TFDP1: variants seen among roughly 807,000 people sequenced by gnomAD.
TFDP1 encodes DRTF1-polypeptide 1.
A neutral mutation model predicts 48.0 loss-of-function variants in TFDP1; 6 were observed. The observed-to-expected ratio is 0.13, with a 90% CI of 0.07 to 0.25. The LOEUF (loss-of-function observed/expected upper bound fraction) is 0.25. Ranked by LOEUF, TFDP1 falls within the 10% of genes least tolerant of loss-of-function variation. The probability of loss-of-function intolerance (pLI) is 1.00; values close to 1 mark genes in which losing one functional copy is unlikely to be tolerated. For missense variants in TFDP1, 335 were observed against 543.0 expected, an observed-to-expected ratio of 0.62 and a Z score of 3.81; for synonymous variants, 201 against 211.6, an observed-to-expected ratio of 0.95 and a Z score of 0.44.
intron 2 of TFDP1, among the ~76,000 whole-genome samples, chr13:113,606,636 G>A (rs952013769): frequency 1.3e-5 from 2 of 152,088 alleles, no homozygotes; most frequent in African/African-American, 4.8e-5. Flanking sequence ...TCCCGCTCAC[G>A]TCTCCCCAGT....
chr13:113,586,065 C>A, intron 2 of TFDP1: 1 of 463,508 alleles, frequency 2.2e-6, no homozygotes. Flanking sequence ...GGATACCACA[C>A]TGCAGTTGGG....
intron 11 of TFDP1, among the ~76,000 whole-genome samples, chr13:113,639,198 C>T (rs995710568): frequency 3.3e-5 from 5 of 152,206 alleles, no homozygotes; most frequent in African/African-American, 1.2e-4. Context: ...GTGTGGCGGT[C>T]AGTCTGTAAA....
intron 3 of TFDP1, among the ~76,000 whole-genome samples, chr13:113,618,605 G>T (rs1002850062): frequency 1.3e-5 from 2 of 152,220 alleles, no homozygotes; most frequent in Non-Finnish European, 2.9e-5. Flanking sequence ...CAGCCTGGCT[G>T]CCACTGGTGC....
At chr13:113,636,203 C>G (rs750529783) in intron 9 of TFDP1, 75 bp downstream of exon 9, 118 of 1,541,566 alleles carry the variant, frequency 7.7e-5, no homozygotes, top group East Asian at 4.5e-5. Context: ...GGTATTGTCA[C>G]TAGGACAAGT....
intron 2 of TFDP1, among the ~76,000 whole-genome samples, chr13:113,601,053 C>A (rs1331478821): frequency 6.6e-6 from 1 of 152,170 alleles, no homozygotes; most frequent in Non-Finnish European, 1.5e-5. Flanking sequence ...TTCACGCTGT[C>A]CTGGATCTTC....
Position 113,636,002 on chromosome 13 carries a change from A to G in TFDP1, c.713A>G (p.Gln238Arg), listed in dbSNP as rs1174637649. 9.3e-6 allele frequency: 15 copies of G among 1,613,966 alleles called. No homozygotes were observed. Among genetic ancestry groups the G allele is most frequent in the Admixed American group, 5.0e-5 (3 of 59,974 alleles). The change falls in exon 9 of 12, where the codon CAG (glutamine) becomes CGG (arginine). Residue 238 changes from glutamine to arginine, a missense_variant. Gln to Arg is a conservative substitution (Grantham distance 43). Transcript: ENST00000375370. ...CAAATTGCCTTCAAGAACCTGGTGC[A>G]GAGAAACCGGCATGCGGAGCAGCAG... is the stretch of plus-strand genomic sequence containing the variant. ...LQQIAFKNLVQRNRHAEQQAS... is the reference protein window; with the variant it reads ...LQQIAFKNLVRRNRHAEQQAS...
At chr13:113,617,314 C>G (rs962230191) in intron 3 of TFDP1, among the ~76,000 whole-genome samples, 25 of 152,130 alleles carry the variant, frequency 1.6e-4, no homozygotes, top group Admixed American at 1.5e-3. Context: ...TGGCTGTGGT[C>G]GCTTAGGCAG....
rs1308820096 is a variant in TFDP1 at position 113,598,832 on chromosome 13, T to A, written c.13-12164T>A. Among the ~76,000 whole-genome samples the A allele has an allele frequency of 4.6e-5, 7 of 152,364 alleles. No individual in the cohort carries two copies. In the East Asian group the frequency reaches 1.3e-3, roughly 29 times the overall value. Reference sequence around the variant, plus strand: ...CCTCTGACTCTTTCTTAGGGTGATGTTGGGCACCACCCTCGCCTGCAGCTC... The same window carrying A: ...CCTCTGACTCTTTCTTAGGGTGATGATGGGCACCACCCTCGCCTGCAGCTC... On this transcript the variant is annotated intron_variant, in intron 2 of 11. Coordinates refer to ENST00000375370, the MANE Select transcript of TFDP1 (RefSeq NM_007111.5). This position sits in a 1 kb window ranked among gnomAD's most constrained non-coding sequence, Gnocchi z 4.2.
chr13:113,636,775 C>T (rs540711506), intron 10 of TFDP1, 75 bp downstream of exon 10: 16 of 1,519,934 alleles, frequency 1.1e-5, no homozygotes, highest in African/African-American at 4.1e-5. Context: ...CCTCCCCTCC[C>T]GGCTCGGGAT....
intron 2 of TFDP1, among the ~76,000 whole-genome samples, chr13:113,610,573 G>A (rs1034864870): frequency 1.2e-4 from 18 of 151,590 alleles, no homozygotes; most frequent in African/African-American, 2.2e-4. Flanking sequence ...ATGTGCCCCC[G>A]CTGTGTGGCT....
chr13:113,604,147 T>C (rs568235174), intron 2 of TFDP1, among the ~76,000 whole-genome samples: 2 of 124,228 alleles, frequency 1.6e-5, no homozygotes, highest in East Asian at 4.7e-4. Context: ...GGTGACAGAG[T>C]AACAGCCTGT....
At chr13:113,600,619 G>A (rs1297584627) in intron 2 of TFDP1, among the ~76,000 whole-genome samples, 2 of 146,498 alleles carry the variant, frequency 1.4e-5, no homozygotes, top group Non-Finnish European at 3.0e-5. Flanking sequence ...ATCCTCGCAC[G>A]TGGGGCTCCA....
At chr13:113,590,780 G>T (rs1253414537) in intron 2 of TFDP1, among the ~76,000 whole-genome samples, 2 of 151,966 alleles carry the variant, frequency 1.3e-5, no homozygotes, top group East Asian at 3.9e-4. Context: ...GGAGGCCGAG[G>T]CAGGTGGATC....
At chr13:113,634,827 ATGTGTGTGTGTGTGCATGTGCC>A (rs1246191039) in intron 8 of TFDP1, among the ~76,000 whole-genome samples, 2 of 148,126 alleles carry the variant, frequency 1.4e-5, no homozygotes, top group African/African-American at 5.0e-5. Context: ...GCATGCATGC[ATGTGTGTGTGTGTGCATGTGCC>A]TGTGTGCGTG....
In TFDP1 at chr13:113,633,008, C is replaced by A; in HGVS notation, c.309-112C>A. ...TGTTGGATCTGCTGCGCCCGTGGGA[C>A]GTGGCCCCTTTTTGTGCAGCTCATT... On this transcript the variant is annotated intron_variant, in intron 5 of 11. Transcript: ENST00000375370. This position sits in a 1 kb window ranked among gnomAD's most constrained non-coding sequence, Gnocchi z 4.5. 1.5e-6 allele frequency: 2 copies of A among 1,355,298 alleles called. No homozygotes were observed. Among genetic ancestry groups the A allele is most frequent in the South Asian group, 1.3e-5 (1 of 76,400 alleles). 84.0% of individuals were successfully genotyped at this position (1,355,298 alleles called of 1,614,324 possible). A position where few individuals can be genotyped will look rare whatever the true frequency, so the allele number is the denominator to read the frequency against.
At chr13:113,599,774 G>A (rs1394115723) in intron 2 of TFDP1, among the ~76,000 whole-genome samples, 1 of 152,170 alleles carries the variant, frequency 6.6e-6, no homozygotes, top group Non-Finnish European at 1.5e-5. Context: ...GAGAATCCTT[G>A]CACTTAGGGC....
Position 113,612,863 on chromosome 13 carries a change from T to G in TFDP1, c.79+1801T>G, listed in dbSNP as rs991300868. On this transcript the variant is annotated intron_variant, in intron 3 of 11. Transcript: ENST00000375370. ...GTTTTGAGCCGGCCCAGCAGGGCCG[T>G]GCATTTCCCCTCAGCTCGCCCCGCG... Among the ~76,000 whole-genome samples, 31 of 152,156 alleles carry G rather than the reference T, an allele frequency of 2.0e-4. 1 individual carries two copies. The highest frequency in any genetic ancestry group is 2.1e-4 in the Non-Finnish European group (14 of 68,016).
At position 113,626,059 on chromosome 13, in the gene TFDP1, A is replaced by AGGTGTCTCTCACG. The variant is rs1566668051; in HGVS notation, c.186+2773_186+2774insGGTGTCTCTCACG. Among the ~76,000 whole-genome samples the AGGTGTCTCTCACG allele has an allele frequency of 8.2e-3, 400 of 48,894 alleles. 5 individuals are homozygous for AGGTGTCTCTCACG. Among genetic ancestry groups the AGGTGTCTCTCACG allele is most frequent in the Non-Finnish European group, 0.01 (292 of 28,246 alleles). The allele number at this position is 48,894 out of a possible 152,430, so 32.1% of individuals were successfully genotyped here. ...TCACGCGTCCTCAGGTGTCTCTCAC[A>AGGTGTCTCTCACG]TGTCCTCAGGTGTCTCTCACGTGTC... On this transcript the variant is annotated intron_variant, in intron 4 of 11. Transcript: ENST00000375370.
intron 10 of TFDP1, chr13:113,637,597 C>G (rs1266545720): frequency 6.6e-7 from 1 of 1,524,956 alleles, no homozygotes; most frequent in South Asian, 1.2e-5. Flanking sequence ...GTATTTATTG[C>G]AAGGCTGTTC....
Sources: allele counts gnomAD v4.1 joint callset (sites outside exome capture counted in the v4.1 genomes callset), GRCh38; gene constraint gnomAD v4.1.1; non-coding constraint Gnocchi (gnomAD v3.1); transcripts MANE v1.5; gene names NCBI Gene and HGNC (gene_info 2026-07-23, HGNC 2026-07-21).